The following DIABLO variants were observed in gnomAD, a reference collection of about 807,000 sequenced individuals.
DIABLO encodes the protein diablo homolog, mitochondrial.
A neutral mutation model predicts 31.7 loss-of-function variants in DIABLO; 32 were observed. That is an observed-to-expected ratio of 1.01 (90% confidence interval 0.76 to 1.35). The LOEUF (loss-of-function observed/expected upper bound fraction) is 1.35, where lower values mean the gene tolerates loss of function less well. Among genes scored for constraint, DIABLO ranks in the 40% most tolerant of loss-of-function variants. DIABLO has a pLI of 0.00. For missense variants in DIABLO, 316 were observed against 286.4 expected, an observed-to-expected ratio of 1.10 and a Z score of -0.75; for synonymous variants, 132 against 103.2, an observed-to-expected ratio of 1.28 and a Z score of -1.69.
chr12:122,212,028 GT>G (rs1954100107), intron 5 of DIABLO, among the ~76,000 whole-genome samples: 1 of 147,040 alleles, frequency 6.8e-6, no homozygotes, highest in African/African-American at 2.5e-5. Flanking sequence ...TACAGATGGA[GT>G]TTTGCCATGT....
chr12:122,224,901 G>A (rs1187760679), intron 1 of DIABLO: 1 of 1,332,942 alleles, frequency 7.5e-7, no homozygotes, highest in African/African-American at 1.5e-5. Flanking sequence ...TTGAGCCCAG[G>A]AGTTCACGAC....
In DIABLO at chr12:122,208,702, C is replaced by T. The variant is rs921989208; in HGVS notation, c.524-125G>A. 3.5e-5 allele frequency: 31 copies of T among 893,742 alleles called. 1 individual carries two copies. Among genetic ancestry groups the T allele is most frequent in the Non-Finnish European group, 5.4e-5 (30 of 559,542 alleles). The allele number at this position is 893,742 out of a possible 1,614,324, so 55.4% of individuals were successfully genotyped here. A position where few individuals can be genotyped will look rare whatever the true frequency, so the allele number is the denominator to read the frequency against. ...TCTTGGGGTCACTTTCCTTGACCTC[C>T]CTGTCTTCTCTCTCTGCAAAGAAAC... On this transcript the variant is annotated intron_variant, in intron 5 of 5. Transcript: ENST00000464942.
intron 5 of DIABLO, among the ~76,000 whole-genome samples, chr12:122,212,863 G>C (rs1954118362): frequency 6.6e-6 from 1 of 152,012 alleles, no homozygotes; most frequent in Admixed American, 6.6e-5. Flanking sequence ...CTGACCACAT[G>C]ATCCGCCCAC....
chr12:122,225,990 A>G lies in DIABLO; in HGVS notation c.25T>C (p.Ser9Pro), dbSNP rs779646115. The change falls in exon 1 of 6, where the codon TCG becomes CCG. Residue 9 changes from serine to proline, a missense_variant. Physicochemically the swap from Ser to Pro is moderately conservative, Grantham distance 74. Coordinates refer to ENST00000464942, the MANE Select transcript of DIABLO (RefSeq NM_001371333.1). ...CTGAAGAATGAAGTTACGCTGCGCG[A>G]CAGCCAACTCTTCAGAGCCGCCATT... MAALKSWL[S>P]RSVTSFFRYR... 1.9e-6 allele frequency: 3 copies of G among 1,603,302 alleles called. No homozygotes were observed. The highest frequency in any genetic ancestry group is 1.7e-6 in the Non-Finnish European group (2 of 1,175,746).
At chr12:122,223,941 G>C (rs991946691) in intron 2 of DIABLO, among the ~76,000 whole-genome samples, 3 of 152,064 alleles carry the variant, frequency 2.0e-5, no homozygotes, top group Non-Finnish European at 4.4e-5. Context: ...GTTGCCACTA[G>C]AAGTGTGAGC....
rs199867647 is a variant in DIABLO, at chr12:122,226,009, C to T, written c.6G>A (p.Ala2=). The part of the protein sequence containing the change: M[A]ALKSWLSRSV... ...TGCGCGACAGCCAACTCTTCAGAGC[C>T]GCCATTGTGCAGCGCGCGGACGCCA... Residue 2 remains alanine (A), a synonymous_variant, in exon 1 of 6, where the codon GCG becomes GCA. Coordinates refer to ENST00000464942, the MANE Select transcript of DIABLO (RefSeq NM_001371333.1). 1.9e-6 allele frequency: 3 copies of T among 1,603,676 alleles called. No individual in the cohort carries two copies. Among genetic ancestry groups the T allele is most frequent in the East Asian group, 4.5e-5 (2 of 44,556 alleles).
Position 122,216,564 on chromosome 12 carries a change from C to T in DIABLO, c.447G>A (p.Glu149=). The change falls in exon 5 of 6, where the codon GAG becomes GAA. Residue 149 remains glutamate (E), a synonymous_variant. Coordinates refer to ENST00000464942, the MANE Select transcript of DIABLO (RefSeq NM_001371333.1). The part of the protein sequence containing the change: ...ARAEMTSKHQ[E]YLKLETTWMT... Reference sequence around the variant, plus strand: ...TCCAAGTGGTTTCCAGCTTCAAGTACTCTTGGTGTTTTGAAGTCATCTATA... The same window carrying T: ...TCCAAGTGGTTTCCAGCTTCAAGTATTCTTGGTGTTTTGAAGTCATCTATA... 6.2e-7 allele frequency: 1 copy of T among 1,614,178 alleles called. No individual in the cohort carries two copies. The highest frequency in any genetic ancestry group is 8.5e-7 in the Non-Finnish European group (1 of 1,180,028).
At chr12:122,210,477 A>T (rs1170283793) in intron 5 of DIABLO, among the ~76,000 whole-genome samples, 3 of 144,036 alleles carry the variant, frequency 2.1e-5, no homozygotes, top group Admixed American at 1.5e-4. Context: ...GGTTCACGCC[A>T]TTCTCCTGCC....
At chr12:122,226,064 G>T, upstream of DIABLO, 2 of 1,576,228 alleles carry the variant, frequency 1.3e-6, no homozygotes, top group African/African-American at 2.7e-5. Context: ...ACGCAGCTTC[G>T]TGAGCGCGGA....
intron 1 of DIABLO, chr12:122,225,180 T>C: frequency 8.0e-6 from 2 of 250,776 alleles, no homozygotes; most frequent in South Asian, 9.7e-5. Flanking sequence ...CCCACTGCAC[T>C]TCAGCCTGGG....
intron 2 of DIABLO, 110 bp downstream of exon 2, chr12:122,224,402 G>T: frequency 1.3e-6 from 2 of 1,528,960 alleles, no homozygotes; most frequent in South Asian, 1.1e-5. Flanking sequence ...GTGGGGGAAG[G>T]GATGGGAGCA....
At chr12:122,215,950 C>A (rs143714666) in intron 5 of DIABLO, among the ~76,000 whole-genome samples, 1 of 151,024 alleles carries the variant, frequency 6.6e-6, no homozygotes, top group Non-Finnish European at 1.5e-5. Context: ...CTCACCATAC[C>A]GTGTCATCTT....
rs779995624 is a variant in DIABLO at position 122,212,614 on chromosome 12, CTTAT to C, written c.523+3870_523+3873del. 2.5e-4 allele frequency among the ~76,000 whole-genome samples: 36 copies of C among 146,414 alleles called. No homozygotes were observed. In the Middle Eastern group the frequency reaches 0.01, roughly 42 times the overall value. Reference sequence around the variant, plus strand: ...TGTTATGCTGTTACTTTATTGTTCGCTTATTTATTTATTTTTGTTTTTTTTTTTG... The same window carrying C: ...TGTTATGCTGTTACTTTATTGTTCGCTTATTTATTTTTGTTTTTTTTTTTG... On this transcript the variant is annotated intron_variant, in intron 5 of 5. Coordinates refer to ENST00000464942, the MANE Select transcript of DIABLO (RefSeq NM_001371333.1).
At chr12:122,212,679 C>A (rs1045705263) in intron 5 of DIABLO, among the ~76,000 whole-genome samples, 1 of 150,774 alleles carries the variant, frequency 6.6e-6, no homozygotes, top group African/African-American at 2.4e-5. Flanking sequence ...GGGTGGAGTG[C>A]AGTGGTGTGA....
chr12:122,224,676 G>C, intron 1 of DIABLO, 32 bp from the exon 2 acceptor site: 1 of 1,614,040 alleles, frequency 6.2e-7, no homozygotes, highest in Non-Finnish European at 8.5e-7. Flanking sequence ...CATAAGGCAC[G>C]ACCGCCAATC....
intron 3 of DIABLO, 23 bp downstream of exon 3, chr12:122,218,243 T>C: frequency 6.2e-7 from 1 of 1,613,886 alleles, no homozygotes; most frequent in Middle Eastern, 1.7e-4. Flanking sequence ...GTTTAGAAGA[T>C]CAAGAGTTAA....
intron 5 of DIABLO, chr12:122,209,772 C>T (rs1471168121): frequency 4.3e-6 from 3 of 703,390 alleles, no homozygotes; most frequent in Non-Finnish European, 5.2e-6. Flanking sequence ...TTTGATCTTA[C>T]TGCATTAACA....
chr12:122,216,368 T>C lies in DIABLO; in HGVS notation c.523+120A>G, dbSNP rs1335951255. 123 of 824,062 alleles carry C rather than the reference T, an allele frequency of 1.5e-4. 3 individuals are homozygous for C. The South Asian group carries it at 1.8e-3, about 12-fold the overall frequency. The allele number at this position is 824,062 out of a possible 1,614,324, so 51.0% of individuals were successfully genotyped here. A position where few individuals can be genotyped will look rare whatever the true frequency, so the allele number is the denominator to read the frequency against. Reference sequence around the variant, plus strand: ...AGGAAATGGGGAAAATTTCTCAAAGTGAGAGCCACTTAGACCATTTACTAT... The same window carrying C: ...AGGAAATGGGGAAAATTTCTCAAAGCGAGAGCCACTTAGACCATTTACTAT... On this transcript the variant is annotated intron_variant, in intron 5 of 5. Coordinates refer to ENST00000464942, the MANE Select transcript of DIABLO (RefSeq NM_001371333.1).
At chr12:122,226,269 G>GGTCCGGCGCGGAGCTGA (rs1281833928), upstream of DIABLO, 10 of 692,662 alleles carry the variant, frequency 1.4e-5, no homozygotes, top group Admixed American at 8.4e-5. Flanking sequence ...CGCGGAGGTG[G>GGTCCGGCGCGGAGCTGA]GTCCGGCGCG....
Sources: gnomAD v4.1 joint callset for allele counts (sites outside exome capture counted in the v4.1 genomes callset) on GRCh38, gnomAD v4.1.1 for gene constraint, MANE v1.5 for transcripts, NCBI Gene and HGNC (gene_info 2026-07-23, HGNC 2026-07-21) for gene names.